RALGPS2: variants seen among roughly 807,000 people sequenced by gnomAD.
RALGPS2 encodes the protein Ral GEF with PH domain and SH3 binding motif 2, also known as ras-specific guanine nucleotide-releasing factor RalGPS2.
In RALGPS2, 43 loss-of-function variants were observed where a neutral mutation model predicts 86.8. The ratio of observed to expected loss-of-function variants is 0.50; its 90% confidence interval spans 0.39 to 0.64. RALGPS2 has a LOEUF of 0.64. RALGPS2 is among the 30% of genes least tolerant of loss of function. The probability of loss-of-function intolerance (pLI) is 0.00; values close to 1 mark genes in which losing one functional copy is unlikely to be tolerated. For synonymous variants in RALGPS2, 243 were observed against 231.3 expected, an observed-to-expected ratio of 1.05 and a Z score of -0.46; for missense variants, 536 against 694.6, an observed-to-expected ratio of 0.77 and a Z score of 2.57.
intron 1 of RALGPS2, among the ~76,000 whole-genome samples, chr1:178,737,033 TCTTGTTTTACTTTTC>T (rs1226684514): frequency 6.6e-6 from 1 of 152,222 alleles, no homozygotes; most frequent in African/African-American, 2.4e-5. Context: ...ACTCTTTGTC[TCTTGTTTTACTTTTC>T]CTTGTTTTAT....
chr1:178,835,392 C>CTTTT (rs71297889), intron 8 of RALGPS2, among the ~76,000 whole-genome samples: 2 of 122,050 alleles, frequency 1.6e-5, no homozygotes, highest in African/African-American at 6.1e-5. Context: ...TCTTTCTTTT[C>CTTTT]TTTTTTTTTT....
At position 178,744,921 on chromosome 1, in the gene RALGPS2, G is replaced by A. The variant is rs931524227; in HGVS notation, c.-84+19502G>A. Among the ~76,000 whole-genome samples the A allele has an allele frequency of 2.0e-5, 3 of 152,154 alleles. No homozygotes were observed. The East Asian group carries it at 5.8e-4, about 29-fold the overall frequency. On this transcript the variant is annotated intron_variant, in intron 1 of 19. Coordinates refer to ENST00000367635, the MANE Select transcript of RALGPS2 (RefSeq NM_152663.5). ...CATGATTGTCTGTAGAAAATCTGATGGAACTTGCAAAATTTCTGGGACTAA... is the reference window on the plus strand; with the variant it reads ...CATGATTGTCTGTAGAAAATCTGATAGAACTTGCAAAATTTCTGGGACTAA...
intron 8 of RALGPS2, among the ~76,000 whole-genome samples, chr1:178,837,602 A>G (rs969475413): frequency 1.3e-5 from 2 of 152,228 alleles, no homozygotes; most frequent in African/African-American, 2.4e-5. Flanking sequence ...AGCTCCCAGC[A>G]TGAGCAACAC....
intron 1 of RALGPS2, chr1:178,725,972 G>T (rs1434801014): frequency 6.6e-6 from 1 of 152,030 alleles, no homozygotes; most frequent in Non-Finnish European, 1.5e-5. Flanking sequence ...GCGGCCCGCA[G>T]CCCGAGCGGC....
At chr1:178,873,774 G>A (rs1389319779) in intron 8 of RALGPS2, among the ~76,000 whole-genome samples, 1 of 152,162 alleles carries the variant, frequency 6.6e-6, no homozygotes, top group Non-Finnish European at 1.5e-5. Flanking sequence ...AATTACAGCA[G>A]CATTTAACAG....
rs547836493 is a variant in RALGPS2, at chr1:178,765,684, CAG to C, written c.-83-10997_-83-10996del. On this transcript the variant is annotated intron_variant, in intron 1 of 19. Transcript: ENST00000367635. ...ATAAGCCTGAGAGCGCTATGGGAGA[CAG>C]GGGCTTATTTCGTCCCTTATCTACA... 3.7e-4 allele frequency among the ~76,000 whole-genome samples: 56 copies of C among 152,282 alleles called. 1 individual carries two copies. In the South Asian group the frequency reaches 7.0e-3, roughly 19 times the overall value.
intron 4 of RALGPS2, among the ~76,000 whole-genome samples, chr1:178,787,142 TCTC>T (rs1387537320): frequency 5.9e-5 from 9 of 151,992 alleles, no homozygotes; most frequent in South Asian, 2.1e-4. Flanking sequence ...ACTTATTTCT[TCTC>T]CTCCCTGAAA....
intron 6 of RALGPS2, among the ~76,000 whole-genome samples, chr1:178,813,190 C>A (rs1461106786): frequency 6.6e-6 from 1 of 152,146 alleles, no homozygotes; most frequent in South Asian, 2.1e-4. Context: ...ACCTCGGCCT[C>A]CCAAAGTGCT....
chr1:178,808,060 G>A lies in RALGPS2; in HGVS notation c.229G>A (p.Gly77Arg), dbSNP rs1417233259. The A allele has an allele frequency of 6.2e-7, 1 of 1,607,970 alleles. No homozygotes were observed. Among genetic ancestry groups the A allele is most frequent in the African/African-American group, 1.3e-5 (1 of 74,744 alleles). The change falls in exon 5 of 20, where the codon GGA becomes AGA. Residue 77 changes from glycine to arginine, a missense_variant. This residue lies in a region of RALGPS2 where 184 missense variants were observed against 296.7 expected (regional missense o/e 0.62). Transcript: ENST00000367635. ...AATTTTCCAGGAGCTTTCAAGTTGT[G>A]GATGGAATAAAAAAGAAAAATATAG... is the stretch of plus-strand genomic sequence containing the variant. ...AIQPDELSSCGWNKKEKYSSA... is the reference protein window; with the variant it reads ...AIQPDELSSCRWNKKEKYSSA...
intron 11 of RALGPS2, 152 bp downstream of exon 11, chr1:178,883,685 TTTTAA>T: frequency 1.4e-6 from 1 of 710,166 alleles, no homozygotes; most frequent in Non-Finnish European, 2.3e-6. Flanking sequence ...GTTTTTTGGT[TTTTAA>T]TTTAAAAGTT....
intron 8 of RALGPS2, among the ~76,000 whole-genome samples, chr1:178,841,136 CCTAA>C (rs1289840994): frequency 6.6e-6 from 1 of 152,126 alleles, no homozygotes; most frequent in Non-Finnish European, 1.5e-5. Context: ...GGGAATCCTC[CCTAA>C]CTCATTTTAT....
rs138387406 is a variant in RALGPS2 at position 178,826,723 on chromosome 1, A to T, written c.480+5019A>T. Among the ~76,000 whole-genome samples, 569 of 152,372 alleles carry T rather than the reference A, an allele frequency of 3.7e-3. 5 individuals are homozygous for T. Among genetic ancestry groups the T allele is most frequent in the African/African-American group, 0.013 (544 of 41,588 alleles). On this transcript the variant is annotated intron_variant, in intron 7 of 19. Transcript: ENST00000367635. Reference sequence around the variant, plus strand: ...CAGTTTTTAAAAAATAGGTTTACTTAAAGTGGTTGAATATATGAGCAATAC... The same window carrying T: ...CAGTTTTTAAAAAATAGGTTTACTTTAAGTGGTTGAATATATGAGCAATAC...
chr1:178,769,743 C>G (rs1409610404), intron 1 of RALGPS2, among the ~76,000 whole-genome samples: 1 of 152,180 alleles, frequency 6.6e-6, no homozygotes, highest in Admixed American at 6.5e-5. Context: ...GCAGCTCTCC[C>G]CACGCATCCA....
At chr1:178,797,705 C>T (rs971401943) in intron 4 of RALGPS2, among the ~76,000 whole-genome samples, 5 of 151,966 alleles carry the variant, frequency 3.3e-5, no homozygotes, top group Non-Finnish European at 5.9e-5. Context: ...TTTTATAATA[C>T]GTGTCTGTAT....
intron 1 of RALGPS2, among the ~76,000 whole-genome samples, chr1:178,731,768 G>T (rs1650378808): frequency 1.3e-5 from 2 of 152,070 alleles, no homozygotes. Context: ...CTTTCAACCA[G>T]CAGTGTCCAT....
intron 1 of RALGPS2, chr1:178,747,162 C>T (rs1213131438): frequency 2.0e-6 from 2 of 1,016,660 alleles, no homozygotes; most frequent in Non-Finnish European, 3.1e-6. Context: ...CAAGTGTCTA[C>T]CAGAGAGAAG....
At position 178,781,393 on chromosome 1, in the gene RALGPS2, T is replaced by A. The variant is rs142080493; in HGVS notation, c.58-3025T>A. Among the ~76,000 whole-genome samples, 10 of 152,332 alleles carry A rather than the reference T, an allele frequency of 6.6e-5. No individual in the cohort carries two copies. In the East Asian group the frequency reaches 1.9e-3, roughly 29 times the overall value. On this transcript the variant is annotated intron_variant, in intron 2 of 19. Coordinates refer to ENST00000367635, the MANE Select transcript of RALGPS2 (RefSeq NM_152663.5). ...TTATCCTTTTATATTTAACTCGTGTTTGAAGTTTCCGTCAGTAGGAGAATT... is the reference window on the plus strand; with the variant it reads ...TTATCCTTTTATATTTAACTCGTGTATGAAGTTTCCGTCAGTAGGAGAATT...
intron 8 of RALGPS2, among the ~76,000 whole-genome samples, chr1:178,876,133 T>C (rs551982873): frequency 6.6e-6 from 1 of 152,308 alleles, no homozygotes; most frequent in Admixed American, 6.5e-5. Context: ...GTCAAAACAT[T>C]GCACAAGATT....
rs556992678 is a variant in RALGPS2, at chr1:178,907,459, C to G, written c.1722+592C>G. On this transcript the variant is annotated intron_variant, in intron 19 of 19. Coordinates refer to ENST00000367635, the MANE Select transcript of RALGPS2 (RefSeq NM_152663.5). ...CTGTGGTGGTAGTGAAACCAAAAAC[C>G]ATTTAAATTTTGTTTGCTTTTATTT... Among the ~76,000 whole-genome samples, 55 of 152,218 alleles carry G rather than the reference C, an allele frequency of 3.6e-4. No individual in the cohort carries two copies. The South Asian group carries it at 0.011, about 32-fold the overall frequency.
Sources: allele counts gnomAD v4.1 joint callset (sites outside exome capture counted in the v4.1 genomes callset), GRCh38; gene constraint gnomAD v4.1.1; regional missense constraint gnomAD v4.1.1; transcripts MANE v1.5; gene names NCBI Gene and HGNC (gene_info 2026-07-23, HGNC 2026-07-21).